The following LUZP1 variants were observed in gnomAD, a reference collection of about 807,000 sequenced individuals.
LUZP1 encodes filamin mechanobinding actin cross-linking protein.
LUZP1 carries 25 observed loss-of-function variants against 71.3 expected under a neutral mutation model. The ratio of observed to expected loss-of-function variants is 0.35; its 90% CI spans 0.26 to 0.49. LUZP1 has a LOEUF of 0.49. Among genes scored for constraint, LUZP1 ranks in the 20% least tolerant of loss-of-function variants. The pLI is 0.99. For missense variants in LUZP1, 1,142 were observed against 1,300.8 expected, an observed-to-expected ratio of 0.88 and a Z score of 1.88; for synonymous variants, 481 against 506.4, an observed-to-expected ratio of 0.95 and a Z score of 0.67.
rs754524380 is a variant in LUZP1 at position 23,094,174 on chromosome 1, A to G, written c.88T>C (p.Leu30=). The G allele has an allele frequency of 3.1e-6, 5 of 1,614,072 alleles. No homozygotes were observed. In the Admixed American group the frequency reaches 8.3e-5, roughly 27 times the overall value. ...TGGAGGTTTTTTGTGGCTTCCTCCA[A>G]CTCATCAAGGCGGCGGCTTAGACTC... Residue 30 remains leucine, a synonymous_variant, in exon 4 of 5, where the codon TTG becomes CTG. Coordinates refer to ENST00000302291, the Ensembl canonical transcript of LUZP1. The surrounding 1 kb of genome is among the most constrained non-coding windows in gnomAD (Gnocchi z 4.7).
rs143210060 is a variant in LUZP1 at position 23,135,520 on chromosome 1, A to C, written c.-225-26393T>G. ...CATATTCTATTGAAGATTCAGAAAA[A>C]CCACATTAATATGAACAAGTGGTTA... On this transcript the variant is annotated intron_variant, in intron 2 of 4. Coordinates refer to ENST00000302291, the Ensembl canonical transcript of LUZP1. Among the ~76,000 whole-genome samples the C allele has an allele frequency of 4.6e-3, 708 of 152,268 alleles. 3 individuals are homozygous for C. The highest frequency in any genetic ancestry group is 0.016 in the African/African-American group (652 of 41,546).
chr1:23,114,136 ACCCTC>A (rs1644058193), intron 2 of LUZP1, among the ~76,000 whole-genome samples: 1 of 152,148 alleles, frequency 6.6e-6, no homozygotes, highest in Non-Finnish European at 1.5e-5. Flanking sequence ...TAGAAAAACC[ACCCTC>A]AGACCCTTTA....
At chr1:23,152,588 T>G (rs1644392810) in intron 2 of LUZP1, among the ~76,000 whole-genome samples, 1 of 151,952 alleles carries the variant, frequency 6.6e-6, no homozygotes, top group South Asian at 2.1e-4. Flanking sequence ...TGGAGTGGAG[T>G]GACACAATCT....
chr1:23,141,717 T>TC (rs1190336163), intron 2 of LUZP1, among the ~76,000 whole-genome samples: 1 of 151,954 alleles, frequency 6.6e-6, no homozygotes, highest in Non-Finnish European at 1.5e-5. Flanking sequence ...GGTCCCAATG[T>TC]CCCCCAGGCT....
intron 3 of LUZP1, among the ~76,000 whole-genome samples, chr1:23,097,074 C>T (rs1233361873): frequency 2.6e-5 from 4 of 152,132 alleles, no homozygotes; most frequent in African/African-American, 7.2e-5. Flanking sequence ...TCTCTGCTTC[C>T]AAGATGACAC....
rs369127330 is a variant in LUZP1, at chr1:23,134,999, C to T, written c.-225-25872G>A. Reference sequence around the variant, plus strand: ...TCTCCCTCCTCCCACCCCTGCCATGCTTTATTAACCAATGAAAGCTCAATA... The same window carrying T: ...TCTCCCTCCTCCCACCCCTGCCATGTTTTATTAACCAATGAAAGCTCAATA... On this transcript the variant is annotated intron_variant, in intron 2 of 4. Transcript: ENST00000302291. Among the ~76,000 whole-genome samples, 17 of 152,236 alleles carry T rather than the reference C, an allele frequency of 1.1e-4. No individual in the cohort carries two copies. In the East Asian group the frequency reaches 1.7e-3, roughly 16 times the overall value.
exon 5 of LUZP1, chr1:23,084,107 G>A (rs1643716915): frequency 6.6e-6 from 1 of 152,132 alleles, no homozygotes; most frequent in Non-Finnish European, 1.5e-5. Flanking sequence ...ACTAAAGGTG[G>A]TGGTGTACAT....
At chr1:23,176,610 G>C (rs964622294) in intron 1 of LUZP1, among the ~76,000 whole-genome samples, 6 of 152,052 alleles carry the variant, frequency 3.9e-5, no homozygotes, top group African/African-American at 1.2e-4. Context: ...AGGACCATCC[G>C]ACCTTATAGT....
rs1643884996 is a variant in LUZP1, at chr1:23,094,980, A to G, written c.-119-600T>C. Among the ~76,000 whole-genome samples, 1 of 152,152 alleles carries G rather than the reference A, an allele frequency of 6.6e-6. No individual in the cohort carries two copies. The highest frequency in any genetic ancestry group is 1.5e-5 in the Non-Finnish European group (1 of 68,026). ...CCATTTTCAACATCTCTTCTCCCAA[A>G]AGTATATTTGTAAGTGGAATTCAGG... On this transcript the variant is annotated intron_variant, in intron 3 of 4. Transcript: ENST00000302291. This position sits in a 1 kb window ranked among gnomAD's most constrained non-coding sequence, Gnocchi z 4.7.
chr1:23,100,355 A>G (rs1430286522), intron 3 of LUZP1, among the ~76,000 whole-genome samples: 1 of 152,260 alleles, frequency 6.6e-6, no homozygotes, highest in African/African-American at 2.4e-5. Context: ...GTGAACAGAC[A>G]GCACAGAATC....
chr1:23,090,599 A>T (rs1643836895), intron 4 of LUZP1: 4 of 521,176 alleles, frequency 7.7e-6, no homozygotes, highest in Non-Finnish European at 1.0e-5. Context: ...CCTCAGACTG[A>T]TAATATGAGA....
At chr1:23,146,390 TCA>T (rs1175937876) in intron 2 of LUZP1, among the ~76,000 whole-genome samples, 1 of 152,106 alleles carries the variant, frequency 6.6e-6, no homozygotes, top group Admixed American at 6.5e-5. Context: ...GGCTCTGGAG[TCA>T]CACAAACCTA....
At chr1:23,172,979 T>C (rs1230859235) in intron 1 of LUZP1, among the ~76,000 whole-genome samples, 2 of 151,216 alleles carry the variant, frequency 1.3e-5, no homozygotes, top group African/African-American at 2.4e-5. Context: ...TGCGACACCA[T>C]GCCCGGCTAA....
chr1:23,139,019 A>AAAAAATATAT (rs1317355746), intron 2 of LUZP1, among the ~76,000 whole-genome samples: 70 of 59,934 alleles, frequency 1.2e-3, no homozygotes, highest in Non-Finnish European at 1.3e-3. Flanking sequence ...AAAAAAAAAA[A>AAAAAATATAT]ATATATATAT....
chr1:23,096,336 A>C (rs1188825845), intron 3 of LUZP1, among the ~76,000 whole-genome samples: 1 of 152,200 alleles, frequency 6.6e-6, no homozygotes, highest in African/African-American at 2.4e-5. Context: ...AGAGAGGTTA[A>C]CAGATGGGGA....
At chr1:23,131,934 C>T (rs1644218971) in intron 2 of LUZP1, among the ~76,000 whole-genome samples, 1 of 152,182 alleles carries the variant, frequency 6.6e-6, no homozygotes, top group Non-Finnish European at 1.5e-5. Context: ...GATTCACCTA[C>T]CTCGGCCTCC....
intron 2 of LUZP1, among the ~76,000 whole-genome samples, chr1:23,164,532 TA>T (rs1473563264): frequency 1.3e-5 from 2 of 150,910 alleles, no homozygotes; most frequent in African/African-American, 2.4e-5. Context: ...ACAGAATGAA[TA>T]AAGATAAAAT....
intron 2 of LUZP1, among the ~76,000 whole-genome samples, chr1:23,113,865 C>G (rs1435774313): frequency 6.9e-6 from 1 of 145,916 alleles, no homozygotes; most frequent in East Asian, 2.0e-4. Context: ...GGCGACAGAA[C>G]GAGACTCCGT....
chr1:23,172,564 G>A (rs1262887467), intron 1 of LUZP1, among the ~76,000 whole-genome samples: 3 of 151,216 alleles, frequency 2.0e-5, no homozygotes, highest in Non-Finnish European at 4.4e-5. Context: ...GCTCAGGCTG[G>A]AGTGCAGTGG....
Sources: allele counts gnomAD v4.1 joint callset (sites outside exome capture counted in the v4.1 genomes callset), GRCh38; gene constraint gnomAD v4.1.1; non-coding constraint Gnocchi (gnomAD v3.1); transcripts MANE v1.5; gene names NCBI Gene and HGNC (gene_info 2026-07-23, HGNC 2026-07-21).